MATCAP2: variants seen among roughly 807,000 people sequenced by gnomAD.
The protein encoded by MATCAP2 is putative tyrosine carboxypeptidase MATCAP2.
At chr7:36,343,656 G>A in the MATCAP2 span, among the ~76,000 whole-genome samples, 15 of 88,732 alleles carry the variant, frequency 1.7e-4, no homozygotes, top group African/African-American at 6.0e-4. Context: ...GAAAAGAGAA[G>A]GAAGGAAAGA....
chr7:36,389,595 T>C, the MATCAP2 span, among the ~76,000 whole-genome samples: 1 of 152,158 alleles, frequency 6.6e-6, no homozygotes, highest in Admixed American at 6.5e-5. Context: ...AGCAATCGCC[T>C]TAAAGCTGAG....
chr7:36,352,071 C>CT, the MATCAP2 span, among the ~76,000 whole-genome samples: 1 of 151,514 alleles, frequency 6.6e-6, no homozygotes, highest in African/African-American at 2.4e-5. Flanking sequence ...ATGAAAATGC[C>CT]TTTTTTGAGA....
chr7:36,356,159 A>C, the MATCAP2 span: 1 of 152,226 alleles, frequency 6.6e-6, no homozygotes, highest in East Asian at 1.9e-4. Flanking sequence ...GAGCCTAAGC[A>C]AGCCAGGAAT....
the MATCAP2 span, chr7:36,389,892 A>G: frequency 1.3e-6 from 2 of 1,508,266 alleles, no homozygotes; most frequent in East Asian, 2.3e-5. Context: ...AGAGGAGAGG[A>G]CAGCTGGTTG....
chr7:36,344,717 A>G, the MATCAP2 span, among the ~76,000 whole-genome samples: 1 of 152,196 alleles, frequency 6.6e-6, no homozygotes, highest in African/African-American at 2.4e-5. Context: ...AAATTCAACT[A>G]ATATTTTTCT....
the MATCAP2 span, among the ~76,000 whole-genome samples, chr7:36,370,777 C>A: frequency 1.3e-5 from 2 of 152,176 alleles, no homozygotes; most frequent in Non-Finnish European, 1.5e-5. Context: ...CACCACGCCT[C>A]GCCATTAAAA....
chr7:36,327,871 C>T, the MATCAP2 span, among the ~76,000 whole-genome samples: 1 of 152,288 alleles, frequency 6.6e-6, no homozygotes, highest in East Asian at 1.9e-4. Context: ...ATACTCAATC[C>T]ATATATTAAG....
the MATCAP2 span, among the ~76,000 whole-genome samples, chr7:36,361,584 C>T: frequency 1.3e-5 from 2 of 152,288 alleles, no homozygotes; most frequent in South Asian, 2.1e-4. Context: ...TTTATCAAGA[C>T]TTTCATTACT....
At chr7:36,366,570 A>G in the MATCAP2 span, 4 of 1,056,854 alleles carry the variant, frequency 3.8e-6, no homozygotes, top group Non-Finnish European at 5.3e-6. Flanking sequence ...ACATTCTAGA[A>G]AATTATGAAG....
chr7:36,372,334 A>AG, the MATCAP2 span, among the ~76,000 whole-genome samples: 2 of 152,224 alleles, frequency 1.3e-5, no homozygotes, highest in African/African-American at 2.4e-5. Flanking sequence ...GGAAAAAAAA[A>AG]GAAATCTAGG....
At chr7:36,373,670 T>A in the MATCAP2 span, among the ~76,000 whole-genome samples, 3 of 152,152 alleles carry the variant, frequency 2.0e-5, no homozygotes, top group Non-Finnish European at 4.4e-5. Flanking sequence ...AGTCTGGGAC[T>A]CTTGGCCTCA....
the MATCAP2 span, among the ~76,000 whole-genome samples, chr7:36,375,286 A>T: frequency 6.6e-6 from 1 of 152,132 alleles, no homozygotes; most frequent in African/African-American, 2.4e-5. Flanking sequence ...TTCTCTGATG[A>T]CCAGTGATGA....
the MATCAP2 span, chr7:36,356,583 G>A: frequency 1.9e-6 from 1 of 515,700 alleles, no homozygotes; most frequent in Non-Finnish European, 3.4e-6. Context: ...CCCAACACTT[G>A]TCTGTAGGCG....
the MATCAP2 span, among the ~76,000 whole-genome samples, chr7:36,364,271 A>G: frequency 2.6e-5 from 4 of 151,978 alleles, no homozygotes; most frequent in Admixed American, 6.6e-5. Flanking sequence ...AATTTTTTGT[A>G]GAGATAAGGT....
At chr7:36,378,374 G>A in the MATCAP2 span, among the ~76,000 whole-genome samples, 7 of 152,184 alleles carry the variant, frequency 4.6e-5, no homozygotes, top group Non-Finnish European at 8.8e-5. Flanking sequence ...GAGGTCCACT[G>A]CAGACCCTGT....
At chr7:36,371,828 A>G in the MATCAP2 span, among the ~76,000 whole-genome samples, 1 of 151,970 alleles carries the variant, frequency 6.6e-6, no homozygotes, top group Non-Finnish European at 1.5e-5. Flanking sequence ...TGGCGCGATC[A>G]TAACTCCTGG....
At chr7:36,381,544 A>G in the MATCAP2 span, among the ~76,000 whole-genome samples, 4 of 151,720 alleles carry the variant, frequency 2.6e-5, no homozygotes, top group Non-Finnish European at 4.4e-5. Flanking sequence ...GGTGGTGGGC[A>G]CCTGTAATCC....
chr7:36,376,374 G>T, the MATCAP2 span, among the ~76,000 whole-genome samples: 9 of 152,178 alleles, frequency 5.9e-5, no homozygotes, highest in Non-Finnish European at 1.2e-4. Flanking sequence ...GGAGCAGGTT[G>T]TTCAGTTTCC....
the MATCAP2 span, among the ~76,000 whole-genome samples, chr7:36,368,868 C>T: frequency 6.6e-6 from 1 of 152,110 alleles, no homozygotes; most frequent in Admixed American, 6.6e-5. Flanking sequence ...CTCAGATATC[C>T]GCAGGACTAG....
Sources: gnomAD v4.1 joint callset for allele counts (sites outside exome capture counted in the v4.1 genomes callset) on GRCh38, gnomAD v4.1.1 for gene constraint, MANE v1.5 for transcripts, NCBI Gene and HGNC (gene_info 2026-07-23, HGNC 2026-07-21) for gene names.